Variants in LRRTM4 observed in about 807,000 individuals in gnomAD.
LRRTM4 encodes the protein leucine rich repeat transmembrane neuronal 4, also known as leucine-rich repeat transmembrane neuronal protein 4.
Under a neutral mutation model 47.6 loss-of-function variants are expected in LRRTM4, and 25 were observed. The ratio of observed to expected loss-of-function variants is 0.53; its 90% confidence interval spans 0.38 to 0.73. The LOEUF (loss-of-function observed/expected upper bound fraction) is 0.73, where lower values mean the gene tolerates loss of function less well. Among genes scored for constraint, LRRTM4 ranks in the 30% least tolerant of loss-of-function variants. The pLI is 0.00. For synonymous variants in LRRTM4, 311 were observed against 269.5 expected, an observed-to-expected ratio of 1.15 and a Z score of -1.51; for missense variants, 638 against 713.4, an observed-to-expected ratio of 0.89 and a Z score of 1.20.
At chr2:76,974,468 TAACTA>T (rs1435043289) in intron 3 of LRRTM4, among the ~76,000 whole-genome samples, 7 of 150,998 alleles carry the variant, frequency 4.6e-5, no homozygotes, top group East Asian at 3.9e-4. Context: ...TTTATAATAT[TAACTA>T]AACTCCTACT....
At chr2:77,387,814 G>C (rs1273511618) in intron 3 of LRRTM4, among the ~76,000 whole-genome samples, 1 of 152,076 alleles carries the variant, frequency 6.6e-6, no homozygotes, top group East Asian at 1.9e-4. Flanking sequence ...AAAGCATACA[G>C]CTAATAGTTA....
At chr2:76,939,197 A>G (rs995795750) in intron 3 of LRRTM4, among the ~76,000 whole-genome samples, 2 of 152,190 alleles carry the variant, frequency 1.3e-5, no homozygotes, top group African/African-American at 2.4e-5. Context: ...GTTTGTAGCT[A>G]TAACAAGTAA....
intron 3 of LRRTM4, among the ~76,000 whole-genome samples, chr2:77,021,461 C>A (rs967734405): frequency 6.6e-6 from 1 of 152,122 alleles, no homozygotes; most frequent in Non-Finnish European, 1.5e-5. Flanking sequence ...TGGACTTGCC[C>A]ATGTGACATA....
intron 3 of LRRTM4, among the ~76,000 whole-genome samples, chr2:76,972,707 A>C (rs929432221): frequency 1.3e-5 from 2 of 152,038 alleles, no homozygotes; most frequent in African/African-American, 4.8e-5. Flanking sequence ...GGTATGATCC[A>C]CAACGCCCAG....
chr2:77,015,638 T>C (rs1355716718), intron 3 of LRRTM4, among the ~76,000 whole-genome samples: 3 of 149,218 alleles, frequency 2.0e-5, no homozygotes, highest in South Asian at 2.1e-4. Flanking sequence ...TTTTACTTTA[T>C]AGAAACAACA....
At chr2:77,404,292 GCA>G (rs1674079457) in intron 3 of LRRTM4, among the ~76,000 whole-genome samples, 1 of 151,938 alleles carries the variant, frequency 6.6e-6, no homozygotes, top group South Asian at 2.1e-4. Context: ...TAGGGAAAAA[GCA>G]CACTCTTCTG....
At chr2:77,146,340 A>G (rs937445149) in intron 3 of LRRTM4, among the ~76,000 whole-genome samples, 1 of 152,130 alleles carries the variant, frequency 6.6e-6, no homozygotes, top group African/African-American at 2.4e-5. Flanking sequence ...TCTTAATTTC[A>G]ACTCCTGCTC....
intron 3 of LRRTM4, chr2:77,009,434 A>C (rs1677784785): frequency 6.6e-6 from 1 of 152,124 alleles, no homozygotes; most frequent in African/African-American, 2.4e-5. Flanking sequence ...GATTCATGCA[A>C]TATGACTCAT....
intron 3 of LRRTM4, among the ~76,000 whole-genome samples, chr2:77,429,921 C>T (rs1004956074): frequency 6.6e-6 from 1 of 152,038 alleles, no homozygotes; most frequent in Non-Finnish European, 1.5e-5. Context: ...CAAAAATTAG[C>T]CAGGCATGGT....
At chr2:77,420,873 TATATATA>T (rs906280573) in intron 3 of LRRTM4, among the ~76,000 whole-genome samples, 1 of 145,848 alleles carries the variant, frequency 6.9e-6, no homozygotes, top group East Asian at 2.0e-4. Context: ...TGGGAATATA[TATATATA>T]ATATATAATA....
chr2:76,945,514 G>C (rs1675292989), intron 3 of LRRTM4, among the ~76,000 whole-genome samples: 1 of 152,008 alleles, frequency 6.6e-6, no homozygotes, highest in Admixed American at 6.6e-5. Context: ...ATGCAATGCA[G>C]AATATTAAAT....
At chr2:77,044,223 A>G (rs1679153069) in intron 3 of LRRTM4, among the ~76,000 whole-genome samples, 1 of 151,798 alleles carries the variant, frequency 6.6e-6, no homozygotes, top group Non-Finnish European at 1.5e-5. Flanking sequence ...GAGTACCCTG[A>G]ACACTTTAGA....
At chr2:77,218,872 A>C (rs942530559) in intron 3 of LRRTM4, among the ~76,000 whole-genome samples, 1 of 152,180 alleles carries the variant, frequency 6.6e-6, no homozygotes, top group African/African-American at 2.4e-5. Context: ...GGTTACAAAA[A>C]AAATTAAAAC....
intron 3 of LRRTM4, among the ~76,000 whole-genome samples, chr2:76,945,564 T>C (rs1675294846): frequency 6.6e-6 from 1 of 152,012 alleles, no homozygotes. Flanking sequence ...GATTACAAAG[T>C]CTTTTTAACC....
intron 3 of LRRTM4, among the ~76,000 whole-genome samples, chr2:77,185,751 C>T: frequency 6.6e-6 from 1 of 152,054 alleles, no homozygotes; most frequent in East Asian, 1.9e-4. Context: ...TTAGTCAGGA[C>T]AAATGGTTTG....
intron 3 of LRRTM4, among the ~76,000 whole-genome samples, chr2:76,836,571 C>T (rs1169411050): frequency 6.6e-6 from 1 of 151,258 alleles, no homozygotes. Flanking sequence ...TGATAATTAA[C>T]AGTTAATGAA....
intron 3 of LRRTM4, among the ~76,000 whole-genome samples, chr2:76,837,344 T>A (rs1380366313): frequency 1.3e-5 from 2 of 152,136 alleles, no homozygotes; most frequent in Non-Finnish European, 2.9e-5. Flanking sequence ...CTGGATTCAT[T>A]AATTTTTTGA....
At chr2:76,898,831 T>C (rs1268063960) in intron 3 of LRRTM4, among the ~76,000 whole-genome samples, 1 of 151,174 alleles carries the variant, frequency 6.6e-6, no homozygotes, top group Admixed American at 6.6e-5. Flanking sequence ...ATACTGACTG[T>C]ATAAAATATA....
intron 3 of LRRTM4, among the ~76,000 whole-genome samples, chr2:77,259,385 C>A (rs1486194526): frequency 6.6e-6 from 1 of 151,998 alleles, no homozygotes; most frequent in Non-Finnish European, 1.5e-5. Context: ...ATAGCAATTT[C>A]TCAATATATA....
Sources: gnomAD v4.1 joint callset for allele counts (sites outside exome capture counted in the v4.1 genomes callset) on GRCh38, gnomAD v4.1.1 for gene constraint, MANE v1.5 for transcripts, NCBI Gene and HGNC (gene_info 2026-07-23, HGNC 2026-07-21) for gene names.